The following NXF3 variants were observed in gnomAD, a reference collection of about 807,000 sequenced individuals.
NXF3 encodes TAP-like protein 3.
A neutral mutation model predicts 48.4 loss-of-function variants in NXF3; 34 were observed. The observed-to-expected ratio is 0.70, with a 90% CI of 0.53 to 0.93. The LOEUF (loss-of-function observed/expected upper bound fraction) is 0.93, where lower values mean the gene tolerates loss of function less well. Among genes scored for constraint, NXF3 ranks in the 40% least tolerant of loss-of-function variants. The pLI is 0.00. For missense variants in NXF3, 359 were observed against 406.1 expected, an observed-to-expected ratio of 0.88 and a Z score of 1.00; for synonymous variants, 132 against 145.7, an observed-to-expected ratio of 0.91 and a Z score of 0.68.
intron 10 of NXF3, among the ~76,000 whole-genome samples, 175 bp from the exon 11 acceptor site, chrX:103,080,391 T>C (rs888328301): frequency 1.8e-5 from 2 of 111,710 alleles, no homozygotes; most frequent in Non-Finnish European, 3.8e-5. Context: ...GTTGTGAACC[T>C]GTGTGAAGAA....
intron 12 of NXF3, 35 bp from the exon 13 acceptor site, chrX:103,079,905 G>A (rs185213131): frequency 4.7e-5 from 56 of 1,179,084 alleles, no homozygotes; most frequent in Admixed American, 2.4e-4. Flanking sequence ...CTATCTCTGT[G>A]GCCTGGGTGC....
intron 1 of NXF3, among the ~76,000 whole-genome samples, chrX:103,092,465 T>A (rs962791928): frequency 1.7e-4 from 19 of 112,730 alleles, no homozygotes; most frequent in Non-Finnish European, 3.0e-4. Flanking sequence ...GAGAAATAGT[T>A]AAAACCACTG....
At chrX:103,080,544 T>G in intron 10 of NXF3, 32 bp downstream of exon 10, 2 of 1,186,906 alleles carry the variant, frequency 1.7e-6, no homozygotes, top group Non-Finnish European at 2.3e-6. Context: ...CAGTCCCAAT[T>G]AGGAAAGTCA....
At position 103,083,253 on chromosome X, in the gene NXF3, A is replaced by T. The variant is rs751659437; in HGVS notation, c.561T>A (p.Pro187=). The change falls in exon 6 of 20, where the codon CCT becomes CCA. Residue 187 remains proline (P), a synonymous_variant. Coordinates refer to ENST00000395065, the MANE Select transcript of NXF3 (RefSeq NM_022052.2). The part of the protein sequence containing the change: ...DNEKISIFVN[P]AGIPHFVHRE... ...TGTGCACAAAGTGGGGTATGCCAGC[A>T]GGGTTGACAAAGATTGATATCTGCA... 49 of 1,211,194 alleles carry T rather than the reference A, an allele frequency of 4.0e-5. 2 individuals carry two copies. The South Asian group carries it at 8.1e-4, about 20-fold the overall frequency.
chrX:103,082,877 A>G (rs980973911), intron 7 of NXF3, 29 bp from the exon 8 acceptor site: 7 of 1,182,462 alleles, frequency 5.9e-6, no homozygotes, highest in South Asian at 5.3e-5. Flanking sequence ...AGAAAATCAG[A>G]AGTCTGAGAG....
intron 18 of NXF3, 144 bp downstream of exon 18, chrX:103,077,470 T>C: frequency 1.7e-6 from 1 of 598,508 alleles, no homozygotes; most frequent in Non-Finnish European, 2.6e-6. Context: ...GCCAGGATGG[T>C]CTCAATCTCC....
chrX:103,083,123 G>A (rs368489628), intron 6 of NXF3, 50 bp from the exon 7 acceptor site: 36 of 1,186,079 alleles, frequency 3.0e-5, no homozygotes, highest in Non-Finnish European at 4.0e-5. Flanking sequence ...AGGTGGTGAA[G>A]GGGGCAATAG....
chrX:103,079,581 T>C lies in NXF3; in HGVS notation c.1219+3A>G. The C allele has an allele frequency of 8.3e-7, 1 of 1,209,470 alleles. No individual in the cohort carries two copies. Among genetic ancestry groups the C allele is most frequent in the African/African-American group, 1.7e-5 (1 of 57,761 alleles). On this transcript the variant is annotated splice_donor_region_variant and intron_variant, in intron 14 of 19. Transcript: ENST00000395065. ...TGCCCAGACTTCTCCATCACACACT[T>C]ACAGGGGTCCTTGAGAATTTTTATA... is the stretch of plus-strand genomic sequence containing the variant.
intron 1 of NXF3, chrX:103,088,568 G>C: frequency 9.3e-7 from 1 of 1,076,803 alleles, no homozygotes; most frequent in East Asian, 3.0e-5. Flanking sequence ...TAACTGTGAG[G>C]TACTTCAGTG....
chrX:103,092,439 C>T (rs2147599633), intron 1 of NXF3, among the ~76,000 whole-genome samples: 1 of 112,240 alleles, frequency 8.9e-6, no homozygotes, highest in East Asian at 2.8e-4. Context: ...AAAGCAAAAA[C>T]TGATCTAAGT....
Position 103,084,336 on chromosome X carries a change from A to G in NXF3, c.351+6T>C. The G allele has an allele frequency of 8.3e-7, 1 of 1,210,130 alleles. No individual in the cohort carries two copies. Among genetic ancestry groups the G allele is most frequent in the Non-Finnish European group, 1.1e-6 (1 of 894,851 alleles). On this transcript the variant is annotated splice_donor_region_variant and intron_variant, in intron 3 of 19. Coordinates refer to ENST00000395065, the MANE Select transcript of NXF3 (RefSeq NM_022052.2). ...AACATTAGATCCACTTTGCCAGGACACTCACTGTGATCTTGAACCAGCTCC... is the reference window on the plus strand; with the variant it reads ...AACATTAGATCCACTTTGCCAGGACGCTCACTGTGATCTTGAACCAGCTCC...
At chrX:103,089,461 A>C (rs779520354) in intron 1 of NXF3, among the ~76,000 whole-genome samples, 2 of 112,650 alleles carry the variant, frequency 1.8e-5, no homozygotes, top group South Asian at 7.4e-4. Context: ...AGAAACAGCC[A>C]AATTAATTTT....
chrX:103,086,861 A>C, intron 1 of NXF3, among the ~76,000 whole-genome samples: 1 of 111,964 alleles, frequency 8.9e-6, no homozygotes. Flanking sequence ...CATAATGATA[A>C]AGGTTCACAT....
intron 7 of NXF3, 62 bp from the exon 8 acceptor site, chrX:103,082,910 G>A: frequency 8.8e-7 from 1 of 1,130,520 alleles, no homozygotes; most frequent in Non-Finnish European, 1.2e-6. Flanking sequence ...TACAGCATCA[G>A]CACTAACCCC....
intron 1 of NXF3, chrX:103,087,759 A>G (rs190176341): frequency 1.0e-6 from 1 of 959,096 alleles, no homozygotes; most frequent in African/African-American, 1.9e-5. Flanking sequence ...AGGCCTTTTA[A>G]ATGTCTCTCG....
In NXF3 at chrX:103,083,234, C is replaced by T; in HGVS notation, c.580G>A (p.Val194Met). The T allele has an allele frequency of 2.5e-6, 3 of 1,211,386 alleles. No homozygotes were observed. The highest frequency in any genetic ancestry group is 3.4e-6 in the Non-Finnish European group (3 of 895,439). ...TTTTCTGACTTCAGCTCCCTGTGCA[C>T]AAAGTGGGGTATGCCAGCAGGGTTG... ...FVNPAGIPHF[V>M]HRELKSEKVE... The change falls in exon 6 of 20, where the codon GTG becomes ATG. Residue 194 changes from valine to methionine, a missense_variant. By Grantham distance (21) the Val-to-Met change is conservative (BLOSUM62 1). Transcript: ENST00000395065.
intron 1 of NXF3, chrX:103,087,270 G>T: frequency 9.2e-7 from 1 of 1,084,120 alleles, no homozygotes; most frequent in South Asian, 1.9e-5. Flanking sequence ...CTAGAAACAG[G>T]CCATATATTT....
At chrX:103,087,195 T>G in intron 1 of NXF3, 1 of 716,292 alleles carries the variant, frequency 1.4e-6, no homozygotes, top group Non-Finnish European at 2.1e-6. Context: ...CACTGAAGAA[T>G]ATGATGCCTG....
chrX:103,079,204 A>T lies in NXF3; in HGVS notation c.1378+17T>A, dbSNP rs1193427711. 1.7e-6 allele frequency: 2 copies of T among 1,205,943 alleles called. No individual in the cohort carries two copies. Among genetic ancestry groups the T allele is most frequent in the Non-Finnish European group, 2.2e-6 (2 of 890,817 alleles). On this transcript the variant is annotated intron_variant, in intron 16 of 19. Transcript: ENST00000395065. The stretch of plus-strand genomic sequence containing the variant: ...GAGGAGTGGGGGATCTGGGGAAGGG[A>T]CTCTACAGACACTCACCTTCCTTGA...
Sources: gnomAD v4.1 joint callset for allele counts (sites outside exome capture counted in the v4.1 genomes callset) on GRCh38, gnomAD v4.1.1 for gene constraint, MANE v1.5 for transcripts, NCBI Gene and HGNC (gene_info 2026-07-23, HGNC 2026-07-21) for gene names.